Variants in CEP295 observed in about 807,000 individuals in gnomAD.
CEP295 encodes the protein centrosomal protein of 295 kDa.
In CEP295, 190 loss-of-function variants were observed where a neutral mutation model predicts 291.6. That is an observed-to-expected ratio of 0.65 (90% CI 0.58 to 0.73). CEP295 has a LOEUF of 0.73. Among genes scored for constraint, CEP295 ranks in the 30% least tolerant of loss-of-function variants. The pLI is 0.00. For synonymous variants in CEP295, 993 were observed against 1,038.8 expected, an observed-to-expected ratio of 0.96 and a Z score of 0.85; for missense variants, 2,863 against 2,949.4, an observed-to-expected ratio of 0.97 and a Z score of 0.68.
rs1954219952 is a variant in CEP295 at position 93,727,271 on chromosome 11, G to A, written c.6795G>A (p.Glu2265=). ...HSTPCGSNSS[E]CSTKHQLESR... ...CTCCATGTGGTTCTAACTCTAGTGAGTGCTCAACAAAACACCAACTAGAAA... is the reference window on the plus strand; with the variant it reads ...CTCCATGTGGTTCTAACTCTAGTGAATGCTCAACAAAACACCAACTAGAAA... Residue 2265 remains glutamate (E), a synonymous_variant, in exon 24 of 30, where the codon GAG becomes GAA. Transcript: ENST00000325212. 6.4e-7 allele frequency: 1 copy of A among 1,551,750 alleles called. No individual in the cohort carries two copies. The highest frequency in any genetic ancestry group is 8.7e-7 in the Non-Finnish European group (1 of 1,146,976).
At chr11:93,719,875 AT>A (rs1953566888) in intron 18 of CEP295, among the ~76,000 whole-genome samples, 1 of 152,174 alleles carries the variant, frequency 6.6e-6, no homozygotes, top group South Asian at 2.1e-4. Flanking sequence ...AGACTACAAT[AT>A]GTCTTGGTGA....
At chr11:93,704,843 C>T (rs554872899) in intron 17 of CEP295, among the ~76,000 whole-genome samples, 4 of 152,174 alleles carry the variant, frequency 2.6e-5, no homozygotes, top group Non-Finnish European at 5.9e-5. Flanking sequence ...CCCTACACAC[C>T]CTTTAATACC....
intron 10 of CEP295, among the ~76,000 whole-genome samples, chr11:93,691,439 A>G (rs1191093470): frequency 2.0e-5 from 3 of 152,170 alleles, no homozygotes; most frequent in African/African-American, 4.8e-5. Context: ...TTGAAATCCT[A>G]TCAGCGTATC....
Position 93,683,495 on chromosome 11 carries a change from C to T in CEP295, c.766-64C>T, listed in dbSNP as rs532895492. Reference sequence around the variant, plus strand: ...TGATCCTCATTTCCCCTACCTGCAACATTGTTAATATTACCATACAAAGTT... The same window carrying T: ...TGATCCTCATTTCCCCTACCTGCAATATTGTTAATATTACCATACAAAGTT... On this transcript the variant is annotated intron_variant, in intron 7 of 29. Transcript: ENST00000325212. The T allele has an allele frequency of 1.4e-4, 165 of 1,215,960 alleles. 1 individual carries two copies. The South Asian group carries it at 2.6e-3, about 20-fold the overall frequency. The allele number at this position is 1,215,960 out of a possible 1,614,324, so 75.3% of individuals were successfully genotyped here.
In CEP295 at chr11:93,728,740, T is replaced by C. The variant is rs1311380932; in HGVS notation, c.7221T>C (p.Thr2407=). The C allele has an allele frequency of 1.3e-6, 2 of 1,550,950 alleles. No individual in the cohort carries two copies. Among genetic ancestry groups the C allele is most frequent in the Non-Finnish European group, 1.7e-6 (2 of 1,146,674 alleles). ...EEPELTLIST[T]DTSIAEMDFA... is the part of the protein sequence containing the mutation. ...CAGAACTTACTTTAATAAGCACCACTGATACCAGTATTGCTGAAATGGATT... is the reference window on the plus strand; with the variant it reads ...CAGAACTTACTTTAATAAGCACCACCGATACCAGTATTGCTGAAATGGATT... Residue 2407 remains threonine, a synonymous_variant, in exon 25 of 30, where the codon ACT becomes ACC. Transcript: ENST00000325212.
At chr11:93,664,132 A>G (rs745746517) in intron 1 of CEP295, among the ~76,000 whole-genome samples, 5 of 152,216 alleles carry the variant, frequency 3.3e-5, no homozygotes, top group Non-Finnish European at 7.3e-5. Context: ...ATCAGGAATT[A>G]GTCTTAATTA....
In CEP295 at chr11:93,706,875, T is replaced by C. The variant is rs1952544897; in HGVS notation, c.5727T>C (p.Cys1909=). 2.6e-6 allele frequency: 4 copies of C among 1,543,474 alleles called. No homozygotes were observed. The highest frequency in any genetic ancestry group is 1.4e-5 in the African/African-American group (1 of 72,852). The part of the protein sequence containing the change: ...CLQLVGQENV[C]GDDYDEAVKL... ...AACTGGTTGGCCAAGAGAATGTCTG[T>C]GGTGATGACTATGATGAAGCAGGTG... Residue 1909 remains cysteine, a synonymous_variant, in exon 18 of 30, where the codon TGT becomes TGC. Coordinates refer to ENST00000325212, the MANE Select transcript of CEP295 (RefSeq NM_033395.2).
chr11:93,728,601 T>C (rs1454101884), intron 24 of CEP295, 80 bp from the exon 25 acceptor site: 1 of 1,272,014 alleles, frequency 7.9e-7, no homozygotes, highest in Non-Finnish European at 1.0e-6. Context: ...TTGCAAAAAA[T>C]GTGCATTATA....
Position 93,683,666 on chromosome 11 carries a change from C to T in CEP295, c.873C>T (p.Tyr291=), listed in dbSNP as rs1951083166. ...CACCACAACTAGTTGAACTTCCATACAAACGCAGTGAAATGAAAGAAGACT... is the reference window on the plus strand; with the variant it reads ...CACCACAACTAGTTGAACTTCCATATAAACGCAGTGAAATGAAAGAAGACT... ...QMPPQLVELP[Y]KRSEMKEDWQ... Residue 291 remains tyrosine, a synonymous_variant, in exon 8 of 30, where the codon TAC becomes TAT. Coordinates refer to ENST00000325212, the MANE Select transcript of CEP295 (RefSeq NM_033395.2). 6.4e-7 allele frequency: 1 copy of T among 1,550,504 alleles called. No homozygotes were observed. Among genetic ancestry groups the T allele is most frequent in the Non-Finnish European group, 8.7e-7 (1 of 1,146,702 alleles).
intron 18 of CEP295, among the ~76,000 whole-genome samples, chr11:93,719,043 G>A (rs1953479693): frequency 6.6e-6 from 1 of 152,108 alleles, no homozygotes; most frequent in African/African-American, 2.4e-5. Flanking sequence ...GGGAGGTGGA[G>A]TTTGCAGTGA....
chr11:93,722,198 GTGCCT>G (rs1953785640), intron 20 of CEP295, 148 bp downstream of exon 20: 2 of 624,160 alleles, frequency 3.2e-6, no homozygotes, highest in East Asian at 5.5e-5. Flanking sequence ...GCCAGGCGTG[GTGCCT>G]CACGCCTGTA....
chr11:93,719,692 A>C (rs1394631011), intron 18 of CEP295: 1 of 152,020 alleles, frequency 6.6e-6, no homozygotes, highest in Non-Finnish European at 1.5e-5. Flanking sequence ...CCCTGTTCTC[A>C]CTACTGCACT....
chr11:93,709,039 G>C (rs1342131898), intron 18 of CEP295, among the ~76,000 whole-genome samples: 2 of 152,144 alleles, frequency 1.3e-5, no homozygotes, highest in East Asian at 3.8e-4. Context: ...ATATATTCTA[G>C]TTATGAATCC....
intron 18 of CEP295, among the ~76,000 whole-genome samples, chr11:93,713,479 G>A (rs1020669245): frequency 6.6e-6 from 1 of 152,124 alleles, no homozygotes; most frequent in Non-Finnish European, 1.5e-5. Context: ...CTTTTAATGT[G>A]TCATGCCACT....
At chr11:93,695,061 C>T (rs1951783574) in intron 12 of CEP295, among the ~76,000 whole-genome samples, 1 of 152,194 alleles carries the variant, frequency 6.6e-6, no homozygotes, top group African/African-American at 2.4e-5. Context: ...AGATAACTAT[C>T]CCTCTTAATG....
chr11:93,708,772 G>T (rs115283125), intron 18 of CEP295, among the ~76,000 whole-genome samples: 101 of 152,114 alleles, frequency 6.6e-4, no homozygotes, highest in African/African-American at 2.4e-3. Context: ...TCCCACCAAC[G>T]GTGTTCCCTT....
intron 24 of CEP295, chr11:93,728,241 T>C (rs1288241152): frequency 1.3e-5 from 2 of 155,612 alleles, no homozygotes; most frequent in African/African-American, 4.8e-5. Context: ...CCACGTTTTA[T>C]GTGGCTGCTT....
Position 93,698,526 on chromosome 11 carries a change from C to T in CEP295, c.3614C>T (p.Ser1205Phe). The T allele has an allele frequency of 1.3e-6, 2 of 1,552,140 alleles. No individual in the cohort carries two copies. Among genetic ancestry groups the T allele is most frequent in the Non-Finnish European group, 1.7e-6 (2 of 1,147,058 alleles). ...ATTTCTTCTGAACAGACTGGCACCT[C>T]CTCATCCCTTTCCCAGGTGGATGAA... ...KRISSEQTGT[S>F]SSLSQVDESE... Residue 1205 changes from serine (S) to phenylalanine (F), a missense_variant, in exon 15 of 30, where the codon TCC becomes TTC. Physicochemically the swap from Ser to Phe is radical, Grantham distance 155. Transcript: ENST00000325212.
intron 20 of CEP295, 42 bp from the exon 21 acceptor site, chr11:93,722,999 C>CGAT (rs1456106494): frequency 6.6e-7 from 1 of 1,525,424 alleles, no homozygotes; most frequent in African/African-American, 1.4e-5. Context: ...TGAGCCATCA[C>CGAT]GCCTGGCCTA....
Sources: allele counts gnomAD v4.1 joint callset (sites outside exome capture counted in the v4.1 genomes callset), GRCh38; gene constraint gnomAD v4.1.1; transcripts MANE v1.5; gene names NCBI Gene and HGNC (gene_info 2026-07-23, HGNC 2026-07-21).